CHTF8: variants seen among roughly 807,000 people sequenced by gnomAD.
CHTF8 encodes chromosome transmission fidelity factor 8.
A neutral mutation model predicts 11.0 loss-of-function variants in CHTF8; 6 were observed. The observed-to-expected ratio is 0.55, with a 90% CI of 0.30 to 1.08. The LOEUF (loss-of-function observed/expected upper bound fraction) is 1.08, where lower values mean the gene tolerates loss of function less well. Ranked by LOEUF, CHTF8 falls within the 50% of genes least tolerant of loss-of-function variation. CHTF8 has a pLI of 0.07. For missense variants in CHTF8, 140 were observed against 153.1 expected (o/e 0.91, Z 0.45); for synonymous variants, 53 against 60.5 (o/e 0.88, Z 0.57).
chr16:69,131,800 C>T (rs1962544390), intron 1 of CHTF8, among the ~76,000 whole-genome samples: 1 of 151,768 alleles, frequency 6.6e-6, no homozygotes, highest in Admixed American at 6.6e-5. Flanking sequence ...TCCCGGTTCT[C>T]AAGTACTCCA....
At position 69,127,770 on chromosome 16, in the gene CHTF8, C is replaced by T. The variant is rs539624639; in HGVS notation, c.-36+4714G>A. 7.3e-4 allele frequency among the ~76,000 whole-genome samples: 111 copies of T among 151,494 alleles called. 1 individual carries two copies. In the East Asian group the frequency reaches 0.021, roughly 28 times the overall value. ...GACTACAGGCGCCCGCCACCACACCCGGCAACTTTTTGTATTTTTAGTAGA... is the reference window on the plus strand; with the variant it reads ...GACTACAGGCGCCCGCCACCACACCTGGCAACTTTTTGTATTTTTAGTAGA... On this transcript the variant is annotated intron_variant, in intron 1 of 3. Transcript: ENST00000448552.
At position 69,127,312 on chromosome 16, in the gene CHTF8, T is replaced by C. The variant is rs935645584; in HGVS notation, c.-36+5172A>G. ...TCCCCTTGAGAGTAGACAGAGTGAG[T>C]AGAAAAAAGAGGTGGGGAAGAAGTA... is the stretch of plus-strand genomic sequence containing the variant. On this transcript the variant is annotated intron_variant, in intron 1 of 3. Transcript: ENST00000448552. Among the ~76,000 whole-genome samples, 5 of 147,998 alleles carry C rather than the reference T, an allele frequency of 3.4e-5. No individual in the cohort carries two copies. In the East Asian group the frequency reaches 5.9e-4, roughly 17 times the overall value.
Position 69,118,476 on chromosome 16 carries a change from T to C in CHTF8, c.*1949A>G, listed in dbSNP as rs1396672486. 6.7e-7 allele frequency: 1 copy of C among 1,491,432 alleles called. No individual in the cohort carries two copies. Among genetic ancestry groups the C allele is most frequent in the Non-Finnish European group, 9.4e-7 (1 of 1,067,754 alleles). 92.4% of individuals were successfully genotyped at this position (1,491,432 alleles called of 1,614,324 possible). ...AGAGAGCAGTGAGCTGATTCTCCAA[T>C]GGTGAGCAGGGGACTACATGTGAAC... On this transcript the variant is annotated 3_prime_UTR_variant, in exon 4 of 4. Transcript: ENST00000448552.
In CHTF8 at chr16:69,118,400, G is replaced by A. The variant is rs201415345; in HGVS notation, c.*2025C>T. 1.5e-5 allele frequency: 25 copies of A among 1,613,486 alleles called. No individual in the cohort carries two copies. The highest frequency in any genetic ancestry group is 1.9e-5 in the Non-Finnish European group (22 of 1,179,544). On this transcript the variant is annotated 3_prime_UTR_variant, in exon 4 of 4. Transcript: ENST00000448552. ...AGTAGAGGATGACCAGGTCCAAGCT[G>A]CCCAGGTCAGAGCTACGGAAGCATG...
chr16:69,118,508 C>T lies in CHTF8; in HGVS notation c.*1917G>A. 2.7e-6 allele frequency: 3 copies of T among 1,121,628 alleles called. No homozygotes were observed. The highest frequency in any genetic ancestry group is 4.1e-6 in the Non-Finnish European group (3 of 729,902). The allele number at this position is 1,121,628 out of a possible 1,614,324, so 69.5% of individuals were successfully genotyped here. On this transcript the variant is annotated 3_prime_UTR_variant, in exon 4 of 4. Coordinates refer to ENST00000448552, the MANE Select transcript of CHTF8 (RefSeq NM_001039690.5). Reference sequence around the variant, plus strand: ...CAGGGGACTACATGTGAACTGGGACCTGCAGGCCAATGTATCCCTGAGGAA... The same window carrying T: ...CAGGGGACTACATGTGAACTGGGACTTGCAGGCCAATGTATCCCTGAGGAA...
In CHTF8 at chr16:69,132,501, G is replaced by A; in HGVS notation, c.-53C>T. The A allele has an allele frequency of 3.7e-6, 1 of 268,602 alleles. No homozygotes were observed. Among genetic ancestry groups the A allele is most frequent in the Non-Finnish European group, 7.1e-6 (1 of 140,130 alleles). 16.6% of individuals were successfully genotyped at this position (268,602 alleles called of 1,614,324 possible). A position where few individuals can be genotyped will look rare whatever the true frequency, so the allele number is the denominator to read the frequency against. Reference sequence around the variant, plus strand: ...GGCCTGACCTGCAATGGCGGCCGCCGAGCGCGGCGCCGCGCGGCCAACGGG... The same window carrying A: ...GGCCTGACCTGCAATGGCGGCCGCCAAGCGCGGCGCCGCGCGGCCAACGGG... On this transcript the variant is annotated 5_prime_UTR_variant, in exon 1 of 4. Coordinates refer to ENST00000448552, the MANE Select transcript of CHTF8 (RefSeq NM_001039690.5).
chr16:69,129,577 G>A (rs904430770), intron 1 of CHTF8, among the ~76,000 whole-genome samples: 1 of 152,132 alleles, frequency 6.6e-6, no homozygotes, highest in Non-Finnish European at 1.5e-5. Flanking sequence ...CTTTTAGCAA[G>A]GTCTTCTCAC....
chr16:69,121,517 T>C (rs1166408798), intron 1 of CHTF8, 24 bp from the exon 2 acceptor site: 1 of 1,446,290 alleles, frequency 6.9e-7, no homozygotes, highest in African/African-American at 1.4e-5. Context: ...AAAAGAGATT[T>C]AGGGTAATAA....
chr16:69,118,519 T>C lies in CHTF8; in HGVS notation c.*1906A>G. On this transcript the variant is annotated 3_prime_UTR_variant, in exon 4 of 4. Coordinates refer to ENST00000448552, the MANE Select transcript of CHTF8 (RefSeq NM_001039690.5). Reference sequence around the variant, plus strand: ...ATGTGAACTGGGACCTGCAGGCCAATGTATCCCTGAGGAAAAGTCCACAAG... The same window carrying C: ...ATGTGAACTGGGACCTGCAGGCCAACGTATCCCTGAGGAAAAGTCCACAAG... 1 of 1,011,838 alleles carries C rather than the reference T, an allele frequency of 9.9e-7. No individual in the cohort carries two copies. The highest frequency in any genetic ancestry group is 1.6e-6 in the Non-Finnish European group (1 of 630,686). The allele number at this position is 1,011,838 out of a possible 1,614,324, so 62.7% of individuals were successfully genotyped here.
intron 1 of CHTF8, among the ~76,000 whole-genome samples, chr16:69,126,880 T>C (rs970813525): frequency 5.9e-5 from 9 of 152,208 alleles, no homozygotes; most frequent in Non-Finnish European, 1.2e-4. Flanking sequence ...TAGGGATTCC[T>C]GAGTACTCCC....
At position 69,120,408 on chromosome 16, in the gene CHTF8, G is replaced by T; in HGVS notation, c.*17C>A. On this transcript the variant is annotated 3_prime_UTR_variant, in exon 4 of 4. Transcript: ENST00000448552. The surrounding 1 kb of genome is among the most constrained non-coding windows in gnomAD (Gnocchi z 4.0). ...TCCAAGGAGTTGGCCGCTCTCTAGG[G>T]AAAATCCGAGGTTCTTTCATACTTT... The T allele has an allele frequency of 6.2e-7, 1 of 1,613,632 alleles. No homozygotes were observed. The highest frequency in any genetic ancestry group is 1.7e-5 in the Admixed American group (1 of 60,024).
chr16:69,123,474 C>A (rs149952648), intron 1 of CHTF8, among the ~76,000 whole-genome samples: 1 of 151,636 alleles, frequency 6.6e-6, no homozygotes, highest in Non-Finnish European at 1.5e-5. Flanking sequence ...CTGGCCAACA[C>A]GGTGAAACCC....
At chr16:69,129,808 G>A (rs1461757550) in intron 1 of CHTF8, among the ~76,000 whole-genome samples, 1 of 152,152 alleles carries the variant, frequency 6.6e-6, no homozygotes, top group Non-Finnish European at 1.5e-5. Context: ...TTACAAAATG[G>A]CAAAGTAACC....
chr16:69,122,513 C>T (rs1003613122), intron 1 of CHTF8, among the ~76,000 whole-genome samples: 3 of 151,550 alleles, frequency 2.0e-5, no homozygotes, highest in African/African-American at 7.3e-5. Context: ...GCTGGGATTA[C>T]AGGTGCATGT....
In CHTF8 at chr16:69,121,449, T is replaced by C. The variant is rs980374974; in HGVS notation, c.10A>G (p.Ile4Val). The part of the protein sequence containing the change: MVQ[I>V]VISSARAGGL... The stretch of plus-strand genomic sequence containing the variant: ...AAATGTACTTACCTGGAAATAACAA[T>C]TTGCACCATGAGCTTTCTGTCTTTA... Residue 4 changes from isoleucine (I) to valine (V), a missense_variant, in exon 2 of 4, where the codon ATT (isoleucine) becomes GTT (valine). Coordinates refer to ENST00000448552, the MANE Select transcript of CHTF8 (RefSeq NM_001039690.5). 4 of 1,606,846 alleles carry C rather than the reference T, an allele frequency of 2.5e-6. No homozygotes were observed. The highest frequency in any genetic ancestry group is 1.7e-6 in the Non-Finnish European group (2 of 1,178,156).
At chr16:69,124,770 G>A (rs995359775) in intron 1 of CHTF8, among the ~76,000 whole-genome samples, 5 of 152,282 alleles carry the variant, frequency 3.3e-5, no homozygotes, top group Non-Finnish European at 5.9e-5. Flanking sequence ...CAAAGTGGTG[G>A]GATTACAGGC....
rs1597104875 is a variant in CHTF8 at position 69,118,706 on chromosome 16, A to T, written c.*1719T>A. The T allele has an allele frequency of 6.1e-6, 4 of 651,258 alleles. No individual in the cohort carries two copies. Among genetic ancestry groups the T allele is most frequent in the Non-Finnish European group, 1.1e-5 (4 of 362,106 alleles). 40.3% of individuals were successfully genotyped at this position (651,258 alleles called of 1,614,324 possible). On this transcript the variant is annotated 3_prime_UTR_variant, in exon 4 of 4. Transcript: ENST00000448552. ...AACATCTCACCTTCAGTCAAGAAAA[A>T]CGCAAAGGAAAAAGATGGCTCATTT...
Position 69,119,818 on chromosome 16 carries a change from C to G in CHTF8, c.*607G>C, listed in dbSNP as rs561835909. Reference sequence around the variant, plus strand: ...ATTGGGGTTTGGTCCTGGGCCCAGGCCAACTGGCCTAGGATTGGGAGGACC... The same window carrying G: ...ATTGGGGTTTGGTCCTGGGCCCAGGGCAACTGGCCTAGGATTGGGAGGACC... On this transcript the variant is annotated 3_prime_UTR_variant, in exon 4 of 4. Transcript: ENST00000448552. The G allele has an allele frequency of 1.4e-6, 1 of 701,162 alleles. No individual in the cohort carries two copies. The highest frequency in any genetic ancestry group is 2.7e-5 in the East Asian group (1 of 37,234). The allele number at this position is 701,162 out of a possible 1,614,324, so 43.4% of individuals were successfully genotyped here.
At chr16:69,130,546 G>C (rs1432265207) in intron 1 of CHTF8, among the ~76,000 whole-genome samples, 1 of 152,116 alleles carries the variant, frequency 6.6e-6, no homozygotes, top group African/African-American at 2.4e-5. Flanking sequence ...CTGTGATTTT[G>C]CCACCTATCC....
Sources: allele counts gnomAD v4.1 joint callset (sites outside exome capture counted in the v4.1 genomes callset), GRCh38; gene constraint gnomAD v4.1.1; non-coding constraint Gnocchi (gnomAD v3.1); transcripts MANE v1.5; gene names NCBI Gene and HGNC (gene_info 2026-07-23, HGNC 2026-07-21).